Variants in USP28 observed in about 807,000 individuals in gnomAD.
USP28 encodes the protein ubiquitin carboxyl-terminal hydrolase 28.
USP28 carries 113 observed loss-of-function variants against 145.0 expected under a neutral mutation model. That is an observed-to-expected ratio of 0.78 (90% CI 0.67 to 0.91). The LOEUF (loss-of-function observed/expected upper bound fraction) is 0.91, where lower values mean the gene tolerates loss of function less well. USP28 is among the 40% of genes least tolerant of loss of function. The pLI, the probability that USP28 is intolerant of heterozygous loss-of-function variation, is 0.00. For missense variants in USP28, 1,201 were observed against 1,289.6 expected (o/e 0.93, Z 1.05); for synonymous variants, 447 against 450.9 (o/e 0.99, Z 0.11).
intron 4 of USP28, 27 bp downstream of exon 4, chr11:113,841,636 G>T: frequency 1.3e-6 from 2 of 1,492,496 alleles, no homozygotes; most frequent in Non-Finnish European, 1.9e-6. Context: ...AATGTGGGGG[G>T]CAAGAATTAT....
chr11:113,814,105 G>T, intron 14 of USP28, 150 bp from the exon 15 acceptor site: 1 of 559,890 alleles, frequency 1.8e-6, no homozygotes. Context: ...TTTTAAAGCA[G>T]CTAGTACTTT....
At chr11:113,843,372 TA>T (rs963561947) in intron 3 of USP28, among the ~76,000 whole-genome samples, 2 of 150,604 alleles carry the variant, frequency 1.3e-5, no homozygotes, top group Non-Finnish European at 3.0e-5. Context: ...CAGGAGCAGT[TA>T]AAAAAAAATA....
rs535147604 is a variant in USP28, at chr11:113,845,254, C to G, written c.269-3486G>C. Among the ~76,000 whole-genome samples the G allele has an allele frequency of 1.1e-4, 16 of 151,776 alleles. 1 individual carries two copies. In the South Asian group the frequency reaches 3.3e-3, roughly 32 times the overall value. ...ATGAGTTCGAGACCAGCCTGGGCAA[C>G]ATGGTGAAACACCGTCTCTACTAAA... is the stretch of plus-strand genomic sequence containing the variant. On this transcript the variant is annotated intron_variant, in intron 3 of 24. Transcript: ENST00000003302.
At chr11:113,834,112 G>C in intron 6 of USP28, 137 bp downstream of exon 6, 1 of 578,910 alleles carries the variant, frequency 1.7e-6, no homozygotes, top group Non-Finnish European at 2.9e-6. Flanking sequence ...AAAGGAAAAT[G>C]AGCCATTTAG....
chr11:113,801,521 C>A, exon 24 of USP28: 1 of 1,599,048 alleles, frequency 6.3e-7, no homozygotes, highest in Non-Finnish European at 8.6e-7. Context: ...CCAATGGTTT[C>A]TCATGACCTC....
intron 1 of USP28, among the ~76,000 whole-genome samples, chr11:113,875,149 TAC>T: frequency 6.6e-6 from 1 of 152,334 alleles, no homozygotes; most frequent in South Asian, 2.1e-4. Context: ...GGGCTCACCT[TAC>T]TGATCCCTGC....
rs145489011 is a variant in USP28, at chr11:113,845,397, C to T, written c.269-3629G>A. Among the ~76,000 whole-genome samples the T allele has an allele frequency of 2.9e-3, 436 of 151,418 alleles. 3 individuals carry two copies. Among genetic ancestry groups the T allele is most frequent in the African/African-American group, 8.1e-3 (333 of 41,256 alleles). On this transcript the variant is annotated intron_variant, in intron 3 of 24. Coordinates refer to ENST00000003302, the Ensembl canonical transcript of USP28. ...GCTCCACTGAGCTGAGATCGCGCCA[C>T]TGCACTCCAACCTGGGCGAAAGGTA... is the stretch of plus-strand genomic sequence containing the variant.
intron 3 of USP28, among the ~76,000 whole-genome samples, chr11:113,849,385 G>GT (rs1946224746): frequency 6.6e-6 from 1 of 152,172 alleles, no homozygotes; most frequent in Admixed American, 6.5e-5. Flanking sequence ...ATCAAAGAAG[G>GT]TAAAAACAAA....
chr11:113,859,179 A>C (rs908444818), intron 1 of USP28, among the ~76,000 whole-genome samples: 3 of 152,180 alleles, frequency 2.0e-5, no homozygotes, highest in Admixed American at 6.5e-5. Context: ...ACCTGGCTTA[A>C]CATATGACAG....
chr11:113,808,420 A>G (rs1272296111), exon 18 of USP28: 2 of 1,613,990 alleles, frequency 1.2e-6, no homozygotes, highest in Admixed American at 3.3e-5. Flanking sequence ...ACCCCATGAG[A>G]AGAGGCTACT....
intron 12 of USP28, among the ~76,000 whole-genome samples, chr11:113,822,090 C>T (rs934630293): frequency 6.6e-6 from 1 of 152,160 alleles, no homozygotes; most frequent in African/African-American, 2.4e-5. Context: ...TATTTTTGAA[C>T]TATAAAACAT....
At chr11:113,861,639 CCTT>C (rs1947704532) in intron 1 of USP28, among the ~76,000 whole-genome samples, 1 of 152,174 alleles carries the variant, frequency 6.6e-6, no homozygotes, top group Non-Finnish European at 1.5e-5. Flanking sequence ...AAGGAAATCA[CCTT>C]CTTCCCGACC....
exon 20 of USP28, chr11:113,804,910 A>C: frequency 5.0e-6 from 8 of 1,614,218 alleles, no homozygotes; most frequent in Non-Finnish European, 6.8e-6. Context: ...CTGTTCCAGA[A>C]GGGTTCGTTC....
chr11:113,870,306 T>C (rs982124032), intron 1 of USP28, among the ~76,000 whole-genome samples: 4 of 152,180 alleles, frequency 2.6e-5, no homozygotes, highest in African/African-American at 9.7e-5. Context: ...GCAGGAGGAC[T>C]GCTTGAGCCC....
At chr11:113,801,939 A>G (rs531403916) in intron 23 of USP28, among the ~76,000 whole-genome samples, 2 of 152,214 alleles carry the variant, frequency 1.3e-5, no homozygotes, top group Non-Finnish European at 2.9e-5. Flanking sequence ...CTAAACTTGT[A>G]AGTCAAGGTC....
chr11:113,821,052 G>T, intron 12 of USP28: 1 of 229,706 alleles, frequency 4.4e-6, no homozygotes, highest in South Asian at 6.9e-5. Flanking sequence ...CAGTTGGGGA[G>T]GAGAAGGGGG....
chr11:113,826,919 CAAA>C (rs201039687), intron 11 of USP28, among the ~76,000 whole-genome samples: 1 of 100,162 alleles, frequency 1.0e-5, no homozygotes. Flanking sequence ...AACTCTGTCT[CAAA>C]AAAAAAAAAA....
At chr11:113,827,836 A>G (rs1943551259) in intron 10 of USP28, among the ~76,000 whole-genome samples, 2 of 152,236 alleles carry the variant, frequency 1.3e-5, no homozygotes, top group Admixed American at 1.3e-4. Flanking sequence ...ATGCTGTTTT[A>G]GTCTATTAAC....
chr11:113,819,689 G>A (rs945889845), intron 12 of USP28, among the ~76,000 whole-genome samples: 1 of 152,066 alleles, frequency 6.6e-6, no homozygotes. Context: ...ATTTTTAGGG[G>A]CTTGGTTTAC....
Sources: gnomAD v4.1 joint callset for allele counts (sites outside exome capture counted in the v4.1 genomes callset) on GRCh38, gnomAD v4.1.1 for gene constraint, MANE v1.5 for transcripts, NCBI Gene and HGNC (gene_info 2026-07-23, HGNC 2026-07-21) for gene names.